The following PGAP2 variants were observed in gnomAD, a reference collection of about 807,000 sequenced individuals.
PGAP2 encodes post-GPI attachment to proteins 2.
Under a neutral mutation model 33.2 loss-of-function variants are expected in PGAP2, and 21 were observed. The observed-to-expected ratio is 0.63, with a 90% CI of 0.45 to 0.91. The LOEUF is 0.91. Ranked by LOEUF, PGAP2 falls within the 40% of genes least tolerant of loss-of-function variation. PGAP2 has a pLI of 0.00. For missense variants in PGAP2, 345 were observed against 424.0 expected, an observed-to-expected ratio of 0.81 and a Z score of 1.64; for synonymous variants, 161 against 172.9, an observed-to-expected ratio of 0.93 and a Z score of 0.54.
At position 3,824,152 on chromosome 11, in the gene PGAP2, G is replaced by A. The variant is rs2089536601; in HGVS notation, c.601+17G>A. The stretch of plus-strand genomic sequence containing the variant: ...AGGACTTCAGTGGGTGCCTGGATGA[G>A]GGAGGAGTGGGGAAGTGTTCCCTGA... On this transcript the variant is annotated intron_variant, in intron 4 of 6. Coordinates refer to ENST00000278243, the MANE Select transcript of PGAP2 (RefSeq NM_014489.4). 1 of 1,613,668 alleles carries A rather than the reference G, an allele frequency of 6.2e-7. No individual in the cohort carries two copies. Among genetic ancestry groups the A allele is most frequent in the Non-Finnish European group, 8.5e-7 (1 of 1,179,702 alleles).
chr11:3,818,552 C>G (rs2087709031), intron 3 of PGAP2, among the ~76,000 whole-genome samples: 1 of 152,150 alleles, frequency 6.6e-6, no homozygotes, highest in South Asian at 2.1e-4. Flanking sequence ...ATCCTCAGCT[C>G]TGATCTGGAT....
rs370089620 is a variant in PGAP2 at position 3,825,305 on chromosome 11, T to C, written c.818-23T>C. 126 of 1,610,196 alleles carry C rather than the reference T, an allele frequency of 7.8e-5. No homozygotes were observed. In the East Asian group the frequency reaches 2.0e-3, roughly 25 times the overall value. On this transcript the variant is annotated intron_variant, in intron 6 of 6. Coordinates refer to ENST00000278243, the MANE Select transcript of PGAP2 (RefSeq NM_014489.4). ...GGGTAGCTGGAAGTTCACCATGTCC[T>C]GTTCCTTGTGTCCTCACAACAGTGT...
chr11:3,801,643 A>AAAAC (rs2083470781), intron 1 of PGAP2, among the ~76,000 whole-genome samples: 1 of 119,790 alleles, frequency 8.3e-6, no homozygotes, highest in Non-Finnish European at 2.0e-5. Context: ...CTCCATCTCA[A>AAAAC]AAAAAAAAAA....
rs1348368467 is a variant in PGAP2, at chr11:3,818,060, A to AAC, written c.348+526_348+527insCA. The AAC allele has an allele frequency of 1.1e-3, 254 of 229,200 alleles. 2 individuals carry two copies. Among genetic ancestry groups the AAC allele is most frequent in the East Asian group, 4.3e-3 (36 of 8,368 alleles). The allele number at this position is 229,200 out of a possible 1,614,324, so 14.2% of individuals were successfully genotyped here. ...AAACCCTGTCTCAAAAACAAAACAA[A>AAC]ATAAAAAAAAAAAAACAGCAGGCTG... is the stretch of plus-strand genomic sequence containing the variant. On this transcript the variant is annotated intron_variant, in intron 3 of 6. Transcript: ENST00000278243.
chr11:3,824,559 T>C, intron 5 of PGAP2, 183 bp downstream of exon 5: 3 of 880,204 alleles, frequency 3.4e-6, no homozygotes, highest in Non-Finnish European at 5.3e-6. Context: ...AATCTAGGAC[T>C]ATAGCACTGT....
At chr11:3,814,445 C>T (rs939705032) in intron 2 of PGAP2, among the ~76,000 whole-genome samples, 6 of 152,056 alleles carry the variant, frequency 3.9e-5, no homozygotes, top group African/African-American at 1.4e-4. Context: ...TTGGTATTGA[C>T]GGGGTTTCGT....
At chr11:3,824,947 G>A in intron 5 of PGAP2, 73 bp from the exon 6 acceptor site, 6 of 1,602,212 alleles carry the variant, frequency 3.7e-6, no homozygotes, top group South Asian at 3.4e-5. Flanking sequence ...GCCCTTAGGA[G>A]TTAGGGCTGA....
At chr11:3,807,021 C>CA (rs112139097), upstream of PGAP2, among the ~76,000 whole-genome samples, 10 of 128,096 alleles carry the variant, frequency 7.8e-5, no homozygotes, top group South Asian at 5.1e-4. Flanking sequence ...ACTCTGTCTC[C>CA]AAAAAAAAAG....
At chr11:3,815,372 G>T (rs1338903288) in intron 2 of PGAP2, among the ~76,000 whole-genome samples, 1 of 150,368 alleles carries the variant, frequency 6.7e-6, no homozygotes, top group Non-Finnish European at 1.5e-5. Flanking sequence ...GCAATGGCAC[G>T]ATCTCGGCTT....
chr11:3,806,945 C>T (rs543105809), upstream of PGAP2, among the ~76,000 whole-genome samples: 8 of 151,572 alleles, frequency 5.3e-5, no homozygotes, highest in South Asian at 4.2e-4. Context: ...TGCTTGAACC[C>T]GGGAGGTGGA....
Position 3,825,689 on chromosome 11 carries a change from A to T in PGAP2, c.*231A>T. Reference sequence around the variant, plus strand: ...CACCTTTACCTGAGAGGCCCCAAGAAGCTGAGCTGGCAGAGAGCTCCACCA... The same window carrying T: ...CACCTTTACCTGAGAGGCCCCAAGATGCTGAGCTGGCAGAGAGCTCCACCA... On this transcript the variant is annotated 3_prime_UTR_variant, in exon 7 of 7. Transcript: ENST00000278243. 3.0e-6 allele frequency: 1 copy of T among 332,344 alleles called. No homozygotes were observed. Among genetic ancestry groups the T allele is most frequent in the Non-Finnish European group, 5.6e-6 (1 of 179,020 alleles). 20.6% of individuals were successfully genotyped at this position (332,344 alleles called of 1,614,324 possible). A position where few individuals can be genotyped will look rare whatever the true frequency, so the allele number is the denominator to read the frequency against.
intron 3 of PGAP2, among the ~76,000 whole-genome samples, chr11:3,821,469 A>G (rs1194917488): frequency 1.3e-5 from 2 of 152,324 alleles, no homozygotes; most frequent in South Asian, 2.1e-4. Flanking sequence ...TTAAAAATCC[A>G]TATTCTTGCT....
Position 3,825,024 on chromosome 11 carries a change from G to C in PGAP2, c.713G>C (p.Arg238Pro), listed in dbSNP as rs774843232. ...TKKHTVSQEDRKSYSWKQRLF... is the reference protein window; with the variant it reads ...TKKHTVSQEDPKSYSWKQRLF... ...ATCAGACAGCCCATTCCCTAGGATC[G>C]CAAGTCCTACAGCTGGAAACAGCGG... The change falls in exon 6 of 7, where the codon CGC (arginine) becomes CCC (proline). Residue 238 changes from arginine to proline, a missense_variant. By Grantham distance (103) the Arg-to-Pro change is moderately radical. Coordinates refer to ENST00000278243, the MANE Select transcript of PGAP2 (RefSeq NM_014489.4). The C allele has an allele frequency of 1.5e-5, 24 of 1,614,024 alleles. No individual in the cohort carries two copies. The South Asian group carries it at 2.2e-4, about 15-fold the overall frequency.
At chr11:3,815,395 G>A (rs1385043242) in intron 2 of PGAP2, among the ~76,000 whole-genome samples, 5 of 150,778 alleles carry the variant, frequency 3.3e-5, no homozygotes, top group Non-Finnish European at 5.9e-5. Flanking sequence ...TGCAACCTCC[G>A]CCTCCCAGGT....
intron 3 of PGAP2, among the ~76,000 whole-genome samples, chr11:3,822,082 C>T (rs535347154): frequency 2.6e-5 from 4 of 151,212 alleles, no homozygotes; most frequent in African/African-American, 9.7e-5. Flanking sequence ...AAAAACAAAA[C>T]GGCCGGGCGC....
chr11:3,821,021 C>T (rs1376491857), intron 3 of PGAP2, among the ~76,000 whole-genome samples: 1 of 151,990 alleles, frequency 6.6e-6, no homozygotes, highest in African/African-American at 2.4e-5. Context: ...TCACATTACT[C>T]AGAGTGCATG....
intron 4 of PGAP2, 65 bp from the exon 5 acceptor site, chr11:3,824,205 G>C: frequency 1.2e-6 from 2 of 1,612,312 alleles, no homozygotes. Flanking sequence ...TACCACATTC[G>C]GACCTTCCTA....
chr11:3,797,806 CG>C (rs766644255), upstream of PGAP2: 323 of 1,545,968 alleles, frequency 2.1e-4, no homozygotes, highest in Non-Finnish European at 2.6e-4. Flanking sequence ...GGGAGCGTGT[CG>C]TGACGTCACA....
intron 1 of PGAP2, among the ~76,000 whole-genome samples, chr11:3,798,391 G>T (rs997693131): frequency 2.6e-5 from 4 of 152,036 alleles, no homozygotes; most frequent in African/African-American, 9.7e-5. Flanking sequence ...GTGCATTGGC[G>T]CAATCTCGGC....
Sources: allele counts gnomAD v4.1 joint callset (sites outside exome capture counted in the v4.1 genomes callset), GRCh38; gene constraint gnomAD v4.1.1; transcripts MANE v1.5; gene names NCBI Gene and HGNC (gene_info 2026-07-23, HGNC 2026-07-21).